ATP8A2: variants seen among roughly 807,000 people sequenced by gnomAD.
The protein encoded by ATP8A2 is ATPase phospholipid transporting 8A2.
A neutral mutation model predicts 165.6 loss-of-function variants in ATP8A2; 100 were observed. The ratio of observed to expected loss-of-function variants is 0.60; its 90% CI spans 0.51 to 0.71. ATP8A2 has a LOEUF of 0.71. Among genes scored for constraint, ATP8A2 ranks in the 30% least tolerant of loss-of-function variants. The probability of loss-of-function intolerance (pLI) is 0.00; values close to 1 mark genes in which losing one functional copy is unlikely to be tolerated. For missense variants in ATP8A2, 1,227 were observed against 1,479.5 expected, an observed-to-expected ratio of 0.83 and a Z score of 2.80; for synonymous variants, 543 against 548.8, an observed-to-expected ratio of 0.99 and a Z score of 0.15.
intron 23 of ATP8A2, among the ~76,000 whole-genome samples, chr13:25,585,711 T>A (rs1566301936): frequency 6.6e-6 from 1 of 152,202 alleles, no homozygotes; most frequent in African/African-American, 2.4e-5. Context: ...GCCCCTCCTG[T>A]AATTGCCTGT....
chr13:25,464,575 T>G (rs1018347450), intron 1 of ATP8A2, among the ~76,000 whole-genome samples: 1 of 152,122 alleles, frequency 6.6e-6, no homozygotes, highest in Non-Finnish European at 1.5e-5. Flanking sequence ...TCCCTACCAG[T>G]TCCCATGTCA....
In ATP8A2 at chr13:25,952,899, A is replaced by G. The variant is rs144447526; in HGVS notation, c.3184-8676A>G. 1.5e-3 allele frequency among the ~76,000 whole-genome samples: 224 copies of G among 152,322 alleles called. 1 individual carries two copies. Among genetic ancestry groups the G allele is most frequent in the African/African-American group, 5.2e-3 (215 of 41,578 alleles). On this transcript the variant is annotated intron_variant, in intron 33 of 36. Transcript: ENST00000381655. Reference sequence around the variant, plus strand: ...TAAAAAGGTTCATAGTAAAAAGAGAAGGAGATTTACCTTTTGACATGCACG... The same window carrying G: ...TAAAAAGGTTCATAGTAAAAAGAGAGGGAGATTTACCTTTTGACATGCACG...
intron 27 of ATP8A2, among the ~76,000 whole-genome samples, chr13:25,817,873 G>T (rs952066528): frequency 5.3e-5 from 8 of 152,046 alleles, no homozygotes; most frequent in African/African-American, 1.7e-4. Flanking sequence ...TAGAGACAGG[G>T]TCTCACTCTG....
chr13:25,871,143 G>A (rs538540974), intron 33 of ATP8A2: 9 of 369,726 alleles, frequency 2.4e-5, no homozygotes, highest in South Asian at 1.6e-4. Context: ...TTGTTGTGGT[G>A]TTGGCATTTG....
chr13:25,814,788 G>A (rs1054145247), intron 27 of ATP8A2, among the ~76,000 whole-genome samples: 7 of 152,154 alleles, frequency 4.6e-5, no homozygotes, highest in African/African-American at 1.7e-4. Flanking sequence ...GGCCAGGGCA[G>A]GTGGATCACT....
At chr13:25,836,715 G>A (rs9581457) in intron 28 of ATP8A2, among the ~76,000 whole-genome samples, 4,180 of 152,130 alleles carry the variant, frequency 0.027, 195 homozygotes, top group African/African-American at 0.093. Context: ...CCCATAATTT[G>A]TTTATTGTAA....
intron 24 of ATP8A2, among the ~76,000 whole-genome samples, chr13:25,606,509 C>A (rs1160350448): frequency 1.3e-5 from 2 of 152,126 alleles, no homozygotes; most frequent in African/African-American, 2.4e-5. Flanking sequence ...TATTAAATTG[C>A]CAGTCTCCTT....
intron 2 of ATP8A2, among the ~76,000 whole-genome samples, chr13:25,522,438 T>C (rs776426073): frequency 1.3e-5 from 2 of 152,204 alleles, no homozygotes; most frequent in Middle Eastern, 3.2e-3. Context: ...GGACTTCCAA[T>C]ACTATGTTTA....
intron 1 of ATP8A2, among the ~76,000 whole-genome samples, chr13:25,415,856 A>G (rs1409484407): frequency 6.6e-6 from 1 of 151,796 alleles, no homozygotes; most frequent in African/African-American, 2.4e-5. Context: ...CTGAGACAGG[A>G]TCTTGCTCTG....
chr13:25,469,068 C>G lies in ATP8A2; in HGVS notation c.168C>G (p.Arg56=). ...GAGACCAGCTGGAGGCACCCGCCCG[C>G]ACCATTTACCTCAACCAACCGCATC... The part of the protein sequence containing the change: ...SVGDQLEAPA[R]TIYLNQPHLN... Residue 56 remains arginine, a synonymous_variant, in exon 2 of 37, where the codon CGC becomes CGG. Coordinates refer to ENST00000381655, the MANE Select transcript of ATP8A2 (RefSeq NM_016529.6). 2 of 1,614,096 alleles carry G rather than the reference C, an allele frequency of 1.2e-6. No individual in the cohort carries two copies. The highest frequency in any genetic ancestry group is 8.5e-7 in the Non-Finnish European group (1 of 1,179,936).
In ATP8A2 at chr13:25,529,643, T is replaced by C. The variant is rs78520967; in HGVS notation, c.222-356T>C. 6.6e-3 allele frequency among the ~76,000 whole-genome samples: 1,005 copies of C among 152,262 alleles called. 11 individuals are homozygous for C. Among genetic ancestry groups the C allele is most frequent in the African/African-American group, 0.023 (953 of 41,554 alleles). The stretch of plus-strand genomic sequence containing the variant: ...TTGGGTGTGGTTGAAGCATGAAACA[T>C]CTGTGGTGGTTACCCAGAGGGGAAC... On this transcript the variant is annotated intron_variant, in intron 2 of 36. Transcript: ENST00000381655.
intron 33 of ATP8A2, among the ~76,000 whole-genome samples, chr13:25,892,080 A>G (rs1464707496): frequency 4.0e-5 from 6 of 150,160 alleles, no homozygotes; most frequent in East Asian, 3.9e-4. Context: ...TCCACCTCCC[A>G]TTCTCCTGCC....
intron 23 of ATP8A2, among the ~76,000 whole-genome samples, chr13:25,589,167 C>T (rs1490155968): frequency 6.6e-6 from 1 of 151,870 alleles, no homozygotes; most frequent in Non-Finnish European, 1.5e-5. Context: ...ATGTGGATTA[C>T]TTTAAATTTT....
intron 25 of ATP8A2, among the ~76,000 whole-genome samples, chr13:25,711,578 A>G (rs2043159988): frequency 6.6e-6 from 1 of 152,062 alleles, no homozygotes; most frequent in East Asian, 1.9e-4. Context: ...TTTAAAGCAA[A>G]CAGAGCCTTA....
rs111671601 is a variant in ATP8A2 at position 25,931,997 on chromosome 13, G to A, written c.3184-29578G>A. On this transcript the variant is annotated intron_variant, in intron 33 of 36. Transcript: ENST00000381655. ...AGGGAGGTGTAGGTTGCAGCAAGCCGAGATCACGCCATTGGACTCCAGCCT... is the reference window on the plus strand; with the variant it reads ...AGGGAGGTGTAGGTTGCAGCAAGCCAAGATCACGCCATTGGACTCCAGCCT... Among the ~76,000 whole-genome samples the A allele has an allele frequency of 2.4e-3, 364 of 150,496 alleles. 1 individual carries two copies. Among genetic ancestry groups the A allele is most frequent in the Non-Finnish European group, 3.9e-3 (266 of 67,804 alleles).
intron 1 of ATP8A2, among the ~76,000 whole-genome samples, chr13:25,374,777 C>A (rs536399936): frequency 6.6e-6 from 1 of 152,160 alleles, no homozygotes; most frequent in South Asian, 2.1e-4. Context: ...GTGTGGGCTC[C>A]TGGGGACACT....
At chr13:25,628,632 T>C (rs1406826432) in intron 24 of ATP8A2, among the ~76,000 whole-genome samples, 1 of 151,970 alleles carries the variant, frequency 6.6e-6, no homozygotes, top group Non-Finnish European at 1.5e-5. Context: ...AAATCAAGGT[T>C]TCTGCAGGAT....
intron 33 of ATP8A2, among the ~76,000 whole-genome samples, chr13:25,946,984 G>T (rs1955231183): frequency 6.6e-6 from 1 of 152,154 alleles, no homozygotes; most frequent in African/African-American, 2.4e-5. Flanking sequence ...CTGGCCTCAG[G>T]TGATCCACCC....
At chr13:25,788,629 T>A (rs1457792313) in intron 27 of ATP8A2, among the ~76,000 whole-genome samples, 1 of 152,064 alleles carries the variant, frequency 6.6e-6, no homozygotes, top group Non-Finnish European at 1.5e-5. Context: ...AGGGGCTAAG[T>A]CTTCCCTTGC....
Sources: gnomAD v4.1 joint callset for allele counts (sites outside exome capture counted in the v4.1 genomes callset) on GRCh38, gnomAD v4.1.1 for gene constraint, MANE v1.5 for transcripts, NCBI Gene and HGNC (gene_info 2026-07-23, HGNC 2026-07-21) for gene names.